The following PHACTR2 variants were observed in gnomAD, a reference collection of about 807,000 sequenced individuals.
The protein encoded by PHACTR2 is chromosome 6 open reading frame 56.
Under a neutral mutation model 76.0 loss-of-function variants are expected in PHACTR2, and 30 were observed. That is an observed-to-expected ratio of 0.39 (90% CI 0.30 to 0.54). The LOEUF (loss-of-function observed/expected upper bound fraction) is 0.54, where lower values mean the gene tolerates loss of function less well. Ranked by LOEUF, PHACTR2 falls within the 20% of genes least tolerant of loss-of-function variation. The pLI, the probability that PHACTR2 is intolerant of heterozygous loss-of-function variation, is 0.61. For synonymous variants in PHACTR2, 292 were observed against 292.5 expected (o/e 1.00, Z 0.02); for missense variants, 696 against 781.1 (o/e 0.89, Z 1.30).
At chr6:143,560,887 G>A (rs1263310336) in intron 1 of PHACTR2, among the ~76,000 whole-genome samples, 1 of 66,484 alleles carries the variant, frequency 1.5e-5, no homozygotes, top group Admixed American at 1.3e-4. Context: ...AGAGGGGTGT[G>A]TGTGTGTGTG....
At position 143,827,064 on chromosome 6, in the gene PHACTR2, A is replaced by G. The variant is rs982037618; in HGVS notation, c.*3375A>G. ...CCTTCAAAAGTCACCAAATACTGAAAATAAGAGATGAGTCCTTAAAACCTG... is the reference window on the plus strand; with the variant it reads ...CCTTCAAAAGTCACCAAATACTGAAGATAAGAGATGAGTCCTTAAAACCTG... On this transcript the variant is annotated 3_prime_UTR_variant, in exon 13 of 13. Transcript: ENST00000440869. 3 of 149,828 alleles carry G rather than the reference A, an allele frequency of 2.0e-5. No individual in the cohort carries two copies. The highest frequency in any genetic ancestry group is 3.0e-5 in the Non-Finnish European group (2 of 67,518). The allele number at this position is 149,828 out of a possible 1,614,324, so 9.3% of individuals were successfully genotyped here. A position where few individuals can be genotyped will look rare whatever the true frequency, so the allele number is the denominator to read the frequency against.
Position 143,624,787 on chromosome 6 carries a change from G to A in PHACTR2, c.13+16465G>A, listed in dbSNP as rs770648876. 6.6e-6 allele frequency among the ~76,000 whole-genome samples: 1 copy of A among 152,026 alleles called. No homozygotes were observed. The highest frequency in any genetic ancestry group is 1.5e-5 in the Non-Finnish European group (1 of 68,012). ...GGCTTGGCCAGGATGGTAAAGCTGC[G>A]TTTGTCATTGTGCCTACAAGCTGAG... On this transcript the variant is annotated intron_variant, in intron 1 of 11. Coordinates refer to the PHACTR2 transcript ENST00000305766. The surrounding 1 kb of genome is among the most constrained non-coding windows in gnomAD (Gnocchi z 4.6).
In PHACTR2 at chr6:143,571,565, C is replaced by T. The variant is rs772984835; in HGVS notation, c.217+34358C>T. On this transcript the variant is annotated intron_variant, in intron 1 of 11. Coordinates refer to the PHACTR2 transcript ENST00000367584. This position sits in a 1 kb window ranked among gnomAD's most constrained non-coding sequence, Gnocchi z 4.6. Reference sequence around the variant, plus strand: ...CTGGGACTACAGGTGTGCACTGCCACACCTGGTTAATTTTTTTTAAAATTT... The same window carrying T: ...CTGGGACTACAGGTGTGCACTGCCATACCTGGTTAATTTTTTTTAAAATTT... Among the ~76,000 whole-genome samples the T allele has an allele frequency of 6.6e-5, 10 of 152,002 alleles. No homozygotes were observed. Among genetic ancestry groups the T allele is most frequent in the Non-Finnish European group, 4.4e-5 (3 of 68,008 alleles).
chr6:143,787,026 ACAAT>A lies in PHACTR2; in HGVS notation c.1708-1740_1708-1737del, dbSNP rs922487007. On this transcript the variant is annotated intron_variant, in intron 10 of 12. Transcript: ENST00000440869. This position sits in a 1 kb window ranked among gnomAD's most constrained non-coding sequence, Gnocchi z 4.6. ...ATGGCCCTTAAGTTACCATCTGTAG[ACAAT>A]CAATCACCCCCTCCTTATTGCCCTG... Among the ~76,000 whole-genome samples, 1 of 152,110 alleles carries A rather than the reference ACAAT, an allele frequency of 6.6e-6. No individual in the cohort carries two copies. Among genetic ancestry groups the A allele is most frequent in the Non-Finnish European group, 1.5e-5 (1 of 68,014 alleles).
chr6:143,812,455 T>G (rs959123691), intron 12 of PHACTR2, among the ~76,000 whole-genome samples: 2 of 152,208 alleles, frequency 1.3e-5, no homozygotes, highest in African/African-American at 4.8e-5. Flanking sequence ...CCACGTCTTG[T>G]GCACTGAGGG....
chr6:143,640,027 T>C (rs1308413016), intron 1 of PHACTR2, among the ~76,000 whole-genome samples: 1 of 152,220 alleles, frequency 6.6e-6, no homozygotes, highest in African/African-American at 2.4e-5. Context: ...TCTGTGTAAC[T>C]GTAATAGAGT....
chr6:143,828,999 T>C lies in PHACTR2; in HGVS notation c.*5310T>C, dbSNP rs1455040436. 1 of 152,082 alleles carries C rather than the reference T, an allele frequency of 6.6e-6. No homozygotes were observed. The highest frequency in any genetic ancestry group is 1.5e-5 in the Non-Finnish European group (1 of 68,030). 9.4% of individuals were successfully genotyped at this position (152,082 alleles called of 1,614,324 possible). On this transcript the variant is annotated 3_prime_UTR_variant, in exon 13 of 13. Coordinates refer to ENST00000440869, the MANE Select transcript of PHACTR2 (RefSeq NM_001100164.2). The surrounding 1 kb of genome is among the most constrained non-coding windows in gnomAD (Gnocchi z 4.7). ...AAACATTGTCTCTGCTGCCTTGCATTTCTTTGGGCCCTGAATGGTTTTTCT... is the reference window on the plus strand; with the variant it reads ...AAACATTGTCTCTGCTGCCTTGCATCTCTTTGGGCCCTGAATGGTTTTTCT...
intron 12 of PHACTR2, among the ~76,000 whole-genome samples, chr6:143,815,978 T>C (rs1346755063): frequency 6.6e-6 from 1 of 152,148 alleles, no homozygotes; most frequent in Non-Finnish European, 1.5e-5. Flanking sequence ...TTGAAATCAT[T>C]ATCTTTATCT....
chr6:143,641,384 GA>G lies in PHACTR2; in HGVS notation c.13+33065del, dbSNP rs1776558712. ...CTGGAGCTTCCAGAAGCTGGAGGAG[GA>G]AAGGAAGGATTCTCCTCCAGTGCCT... is the stretch of plus-strand genomic sequence containing the variant. On this transcript the variant is annotated intron_variant, in intron 1 of 11. Coordinates refer to the PHACTR2 transcript ENST00000305766. The surrounding 1 kb of genome is among the most constrained non-coding windows in gnomAD (Gnocchi z 5.8). 1.3e-5 allele frequency among the ~76,000 whole-genome samples: 2 copies of G among 152,212 alleles called. No individual in the cohort carries two copies. The highest frequency in any genetic ancestry group is 2.4e-5 in the African/African-American group (1 of 41,454).
chr6:143,594,568 T>C (rs1242761173), intron 1 of PHACTR2, among the ~76,000 whole-genome samples: 1 of 152,224 alleles, frequency 6.6e-6, no homozygotes, highest in Admixed American at 6.5e-5. Flanking sequence ...TCCACGATGA[T>C]TGGTGGAGAT....
chr6:143,725,443 G>A lies in PHACTR2; in HGVS notation c.214+13260G>A, dbSNP rs547541451. On this transcript the variant is annotated intron_variant, in intron 2 of 12. Coordinates refer to ENST00000440869, the MANE Select transcript of PHACTR2 (RefSeq NM_001100164.2). ...TCTCGATCTCCTGACCTCGTGATCC[G>A]CCCACTTCAGCCTCCCAAAGTGCTG... Among the ~76,000 whole-genome samples, 398 of 149,084 alleles carry A rather than the reference G, an allele frequency of 2.7e-3. 1 individual carries two copies. The highest frequency in any genetic ancestry group is 9.1e-3 in the African/African-American group (368 of 40,396).
rs66800720 is a variant in PHACTR2 at position 143,618,256 on chromosome 6, A to AACACACACACACACACAC, written c.13+9947_13+9964dup. 6.9e-6 allele frequency among the ~76,000 whole-genome samples: 1 copy of AACACACACACACACACAC among 145,216 alleles called. No individual in the cohort carries two copies. Among genetic ancestry groups the AACACACACACACACACAC allele is most frequent in the African/African-American group, 2.6e-5 (1 of 38,808 alleles). ...GTTCCACCTTGTACTTCCTGCTCCA[A>AACACACACACACACACAC]ACACACACACACACACACACACACA... On this transcript the variant is annotated intron_variant, in intron 1 of 11. Transcript: ENST00000305766. This position sits in a 1 kb window ranked among gnomAD's most constrained non-coding sequence, Gnocchi z 5.2.
intron 1 of PHACTR2, among the ~76,000 whole-genome samples, chr6:143,577,202 T>G (rs1378833124): frequency 6.6e-6 from 1 of 152,212 alleles, no homozygotes. Flanking sequence ...GATTCAGTCT[T>G]TTAAAATTGT....
chr6:143,811,486 A>G lies in PHACTR2; in HGVS notation c.1922+4353A>G, dbSNP rs539266423. 6.6e-6 allele frequency among the ~76,000 whole-genome samples: 1 copy of G among 152,354 alleles called. No individual in the cohort carries two copies. The highest frequency in any genetic ancestry group is 6.5e-5 in the Admixed American group (1 of 15,302). On this transcript the variant is annotated intron_variant, in intron 12 of 12. Transcript: ENST00000440869. The surrounding 1 kb of genome is among the most constrained non-coding windows in gnomAD (Gnocchi z 4.1). ...TGCTTATGTAAATATAAACAGATGC[A>G]AATATATAAGCTTTCAGGGAGAGTA...
Position 143,627,825 on chromosome 6 carries a change from T to C in PHACTR2, c.13+19503T>C, listed in dbSNP as rs940112613. Among the ~76,000 whole-genome samples, 1 of 151,902 alleles carries C rather than the reference T, an allele frequency of 6.6e-6. No homozygotes were observed. On this transcript the variant is annotated intron_variant, in intron 1 of 11. Coordinates refer to the PHACTR2 transcript ENST00000305766. This position sits in a 1 kb window ranked among gnomAD's most constrained non-coding sequence, Gnocchi z 4.3. ...ACTATGTTAGCCAGGTTGGTCTCGA[T>C]CTCCTGACCTTGTGATCCGCCCACC...
At chr6:143,756,492 G>C (rs1337798903) in intron 4 of PHACTR2, among the ~76,000 whole-genome samples, 1 of 150,888 alleles carries the variant, frequency 6.6e-6, no homozygotes, top group Non-Finnish European at 1.5e-5. Flanking sequence ...TCAGGAGATC[G>C]AGACCATCCT....
intron 6 of PHACTR2, among the ~76,000 whole-genome samples, chr6:143,769,353 A>G (rs1213198877): frequency 1.3e-5 from 2 of 152,298 alleles, no homozygotes; most frequent in African/African-American, 2.4e-5. Context: ...TGTGCCCAGG[A>G]ACCCGAGGGG....
At position 143,775,437 on chromosome 6, in the gene PHACTR2, G is replaced by A. The variant is rs901094649; in HGVS notation, c.1589+1222G>A. Among the ~76,000 whole-genome samples the A allele has an allele frequency of 1.3e-5, 2 of 152,142 alleles. No homozygotes were observed. The highest frequency in any genetic ancestry group is 6.5e-5 in the Admixed American group (1 of 15,274). Reference sequence around the variant, plus strand: ...AGGGACTAACGTGATTAATGGTATCGAGCTGGAAAAACCTACAGTTCTAAA... The same window carrying A: ...AGGGACTAACGTGATTAATGGTATCAAGCTGGAAAAACCTACAGTTCTAAA... On this transcript the variant is annotated intron_variant, in intron 8 of 12. Coordinates refer to ENST00000440869, the MANE Select transcript of PHACTR2 (RefSeq NM_001100164.2). The surrounding 1 kb of genome is among the most constrained non-coding windows in gnomAD (Gnocchi z 4.4).
rs74647179 is a variant in PHACTR2 at position 143,763,995 on chromosome 6, A to G, written c.695-1266A>G. 8.3e-3 allele frequency among the ~76,000 whole-genome samples: 1,263 copies of G among 152,344 alleles called. 5 individuals are homozygous for G. Among genetic ancestry groups the G allele is most frequent in the Non-Finnish European group, 0.015 (989 of 68,036 alleles). On this transcript the variant is annotated intron_variant, in intron 5 of 12. Transcript: ENST00000440869. ...GAAAAGAGTATTCTCATAGGAGTTT[A>G]TTTTATCATCATATATTTACTAAGA...
Sources: gnomAD v4.1 joint callset for allele counts (sites outside exome capture counted in the v4.1 genomes callset) on GRCh38, gnomAD v4.1.1 for gene constraint, Gnocchi (gnomAD v3.1) non-coding constraint, MANE v1.5 for transcripts, NCBI Gene and HGNC (gene_info 2026-07-23, HGNC 2026-07-21) for gene names.